The following DKK1 variants were observed in gnomAD, a reference collection of about 807,000 sequenced individuals.
DKK1 encodes dickkopf Wnt signaling pathway inhibitor 1, also known as dickkopf-related protein 1.
In DKK1, 18 loss-of-function variants were observed where a neutral mutation model predicts 26.0. The observed-to-expected ratio is 0.69, with a 90% CI of 0.48 to 1.03. DKK1 has a LOEUF of 1.03. Ranked by LOEUF, DKK1 falls within the 50% of genes least tolerant of loss-of-function variation. The pLI is 0.00. For missense variants in DKK1, 335 were observed against 348.5 expected, an observed-to-expected ratio of 0.96 and a Z score of 0.31; for synonymous variants, 130 against 132.6, an observed-to-expected ratio of 0.98 and a Z score of 0.13.
intron 2 of DKK1, among the ~76,000 whole-genome samples, 187 bp from the exon 3 acceptor site, chr10:52,316,108 T>C (rs768485390): frequency 1.3e-5 from 2 of 152,230 alleles, no homozygotes; most frequent in African/African-American, 2.4e-5. Flanking sequence ...AGTATACACA[T>C]TGGTGCTTCT....
At position 52,314,639 on chromosome 10, in the gene DKK1, CCGGG is replaced by C; in HGVS notation, c.210_213del (p.Gly71IlefsTer143). ...CAGCGCCGCGCCGGGAATCCTGTAC[CCGGG>C]CGGGAATAAGTACCAGACCATTGAC... On this transcript the variant is annotated frameshift_variant, in exon 1 of 4. Transcript: ENST00000373970. LOFTEE classifies it high-confidence loss of function. The surrounding 1 kb of genome is among the most constrained non-coding windows in gnomAD (Gnocchi z 5.7). 6.2e-7 allele frequency: 1 copy of C among 1,613,258 alleles called. No individual in the cohort carries two copies. The highest frequency in any genetic ancestry group is 8.5e-7 in the Non-Finnish European group (1 of 1,179,984).
At position 52,316,443 on chromosome 10, in the gene DKK1, T is replaced by C. The variant is rs543718911; in HGVS notation, c.547+8T>C. 2 of 1,613,800 alleles carry C rather than the reference T, an allele frequency of 1.2e-6. No individual in the cohort carries two copies. The highest frequency in any genetic ancestry group is 2.2e-5 in the South Asian group (2 of 90,954). ...AAATGTATCACACCAAAGGTAAGGA[T>C]GTTAAGACTCATTCTTAGCACATCA... On this transcript the variant is annotated splice_region_variant and intron_variant, in intron 3 of 3. Transcript: ENST00000373970.
In DKK1 at chr10:52,314,337, C is replaced by A; in HGVS notation, c.-98C>A. The A allele has an allele frequency of 1.3e-6, 2 of 1,555,770 alleles. No homozygotes were observed. The highest frequency in any genetic ancestry group is 1.8e-5 in the Admixed American group (1 of 56,452). On this transcript the variant is annotated 5_prime_UTR_variant, in exon 1 of 4. Transcript: ENST00000373970. The surrounding 1 kb of genome is among the most constrained non-coding windows in gnomAD (Gnocchi z 5.7). ...CTGGGACCGCAGGGGGCTCCCGGAC[C>A]CTGACTCTGCAGCCGAACCGGCACG...
Position 52,314,989 on chromosome 10 carries a change from G to A in DKK1, c.310G>A (p.Gly104Arg). 6.2e-7 allele frequency: 1 copy of A among 1,603,766 alleles called. No individual in the cohort carries two copies. The highest frequency in any genetic ancestry group is 1.1e-5 in the South Asian group (1 of 90,306). The change falls in exon 2 of 4, where the codon GGG becomes AGG. Residue 104 changes from glycine to arginine, a missense_variant. Physicochemically the swap from Gly to Arg is moderately radical, Grantham distance 125. Coordinates refer to ENST00000373970, the MANE Select transcript of DKK1 (RefSeq NM_012242.4). The surrounding 1 kb of genome is among the most constrained non-coding windows in gnomAD (Gnocchi z 5.7). ...DEYCASPTRG[G>R]DAGVQICLAC... ...GTACTGCGCTAGTCCCACCCGCGGA[G>A]GGGACGCAGGCGTGCAAATCTGTCT...
chr10:52,317,476 A>G lies in DKK1; in HGVS notation c.*669A>G, dbSNP rs772807402. On this transcript the variant is annotated 3_prime_UTR_variant, in exon 4 of 4. Transcript: ENST00000373970. The stretch of plus-strand genomic sequence containing the variant: ...TGTGTTCTACAAGAACGGAAGTGTG[A>G]TATGTTTAAAGATGATCAGAGAAAA... The G allele has an allele frequency of 6.6e-6, 1 of 152,344 alleles. No homozygotes were observed. Among genetic ancestry groups the G allele is most frequent in the African/African-American group, 2.4e-5 (1 of 41,434 alleles). The allele number at this position is 152,344 out of a possible 1,614,324, so 9.4% of individuals were successfully genotyped here. A position where few individuals can be genotyped will look rare whatever the true frequency, so the allele number is the denominator to read the frequency against.
Position 52,316,261 on chromosome 10 carries a change from C to T in DKK1, c.407-34C>T, listed in dbSNP as rs775519599. ...AGCTGTTAGCAGTAATGCATTACAA[C>T]CCTGAAGTTAATCACTATTTCCTGC... On this transcript the variant is annotated intron_variant, in intron 2 of 3. Coordinates refer to ENST00000373970, the MANE Select transcript of DKK1 (RefSeq NM_012242.4). 2.5e-6 allele frequency: 4 copies of T among 1,611,578 alleles called. No individual in the cohort carries two copies. In the East Asian group the frequency reaches 8.9e-5, roughly 36 times the overall value.
rs1842626343 is a variant in DKK1, at chr10:52,317,246, A to G, written c.*439A>G. 1 of 156,190 alleles carries G rather than the reference A, an allele frequency of 6.4e-6. No individual in the cohort carries two copies. Among genetic ancestry groups the G allele is most frequent in the African/African-American group, 2.4e-5 (1 of 41,496 alleles). The allele number at this position is 156,190 out of a possible 1,614,324, so 9.7% of individuals were successfully genotyped here. Reference sequence around the variant, plus strand: ...AGTCTAGAACGCAAGGATCTCTTGGAATGACAAATGATAGGTACCTAAAAT... The same window carrying G: ...AGTCTAGAACGCAAGGATCTCTTGGGATGACAAATGATAGGTACCTAAAAT... On this transcript the variant is annotated 3_prime_UTR_variant, in exon 4 of 4. Transcript: ENST00000373970.
chr10:52,315,253 TC>T, intron 2 of DKK1, 168 bp downstream of exon 2: 1 of 580,770 alleles, frequency 1.7e-6, no homozygotes. Context: ...CGCTGAAGTA[TC>T]TTCATTGCAA....
At chr10:52,316,498 C>A in intron 3 of DKK1, 56 bp from the exon 4 acceptor site, 2 of 1,609,700 alleles carry the variant, frequency 1.2e-6, no homozygotes, top group African/African-American at 2.7e-5. Flanking sequence ...TTTAGTGAAA[C>A]GATGCAGGTT....
Position 52,314,662 on chromosome 10 carries a change from C to G in DKK1, c.228C>G (p.Thr76=). The change falls in exon 1 of 4, where the codon ACC becomes ACG. Residue 76 remains threonine, a synonymous_variant. Transcript: ENST00000373970. This position sits in a 1 kb window ranked among gnomAD's most constrained non-coding sequence, Gnocchi z 5.7. The part of the protein sequence containing the change: ...ILYPGGNKYQ[T]IDNYQPYPCA... Reference sequence around the variant, plus strand: ...ACCCGGGCGGGAATAAGTACCAGACCATTGACAACTACCAGGTGAGAGGGG... The same window carrying G: ...ACCCGGGCGGGAATAAGTACCAGACGATTGACAACTACCAGGTGAGAGGGG... The G allele has an allele frequency of 6.2e-7, 1 of 1,612,946 alleles. No individual in the cohort carries two copies. Among genetic ancestry groups the G allele is most frequent in the Non-Finnish European group, 8.5e-7 (1 of 1,179,816 alleles).
chr10:52,315,573 AT>A (rs906251861), intron 2 of DKK1, among the ~76,000 whole-genome samples: 5 of 152,134 alleles, frequency 3.3e-5, no homozygotes, highest in African/African-American at 9.7e-5. Flanking sequence ...CAGAGGACTG[AT>A]TTATCTGCAT....
At position 52,316,581 on chromosome 10, in the gene DKK1, C is replaced by T. The variant is rs1415456213; in HGVS notation, c.575C>T (p.Ser192Leu). 1.2e-6 allele frequency: 2 copies of T among 1,614,048 alleles called. No individual in the cohort carries two copies. Among genetic ancestry groups the T allele is most frequent in the East Asian group, 4.5e-5 (2 of 44,868 alleles). Reference protein sequence around the residue: ...KGQEGSVCLRSSDCASGLCCA... With the variant: ...KGQEGSVCLRLSDCASGLCCA... ...CAAGAAGGTTCTGTTTGTCTCCGGT[C>T]ATCAGACTGTGCCTCAGGATTGTGT... Residue 192 changes from serine to leucine, a missense_variant, in exon 4 of 4, where the codon TCA becomes TTA. Ser to Leu is a moderately radical substitution (Grantham distance 145). Coordinates refer to ENST00000373970, the MANE Select transcript of DKK1 (RefSeq NM_012242.4).
In DKK1 at chr10:52,314,699, G is replaced by C; in HGVS notation, c.243+22G>C. 1.2e-6 allele frequency: 2 copies of C among 1,609,388 alleles called. No homozygotes were observed. Among genetic ancestry groups the C allele is most frequent in the Non-Finnish European group, 1.7e-6 (2 of 1,177,578 alleles). On this transcript the variant is annotated intron_variant, in intron 1 of 3. Transcript: ENST00000373970. The surrounding 1 kb of genome is among the most constrained non-coding windows in gnomAD (Gnocchi z 5.7). ...CCAGGTGAGAGGGGTCGGGCACTCA[G>C]AGGATGCTCTGACCTTGAAAGGGTC...
At chr10:52,316,188 A>G in intron 2 of DKK1, 107 bp from the exon 3 acceptor site, 1 of 1,362,932 alleles carries the variant, frequency 7.3e-7, no homozygotes, top group Non-Finnish European at 1.0e-6. Flanking sequence ...ATGTCACTGC[A>G]ATGAAGTATC....
At position 52,316,672 on chromosome 10, in the gene DKK1, G is replaced by A. The variant is rs1842620631; in HGVS notation, c.666G>A (p.Lys222=). The change falls in exon 4 of 4, where the codon AAG becomes AAA. Residue 222 remains lysine (K), a synonymous_variant. Transcript: ENST00000373970. ...PVLKEGQVCT[K]HRRKGSHGLE... The stretch of plus-strand genomic sequence containing the variant: ...TGAAAGAAGGTCAAGTGTGTACCAA[G>A]CATAGGAGAAAAGGCTCTCATGGAC... 6.2e-7 allele frequency: 1 copy of A among 1,614,008 alleles called. No homozygotes were observed. The highest frequency in any genetic ancestry group is 1.3e-5 in the African/African-American group (1 of 74,930).
At position 52,316,896 on chromosome 10, in the gene DKK1, T is replaced by C. The variant is rs1043994453; in HGVS notation, c.*89T>C. 14 of 1,453,704 alleles carry C rather than the reference T, an allele frequency of 9.6e-6. No homozygotes were observed. Among genetic ancestry groups the C allele is most frequent in the East Asian group, 2.3e-5 (1 of 43,644 alleles). The allele number at this position is 1,453,704 out of a possible 1,614,324, so 90.1% of individuals were successfully genotyped here. On this transcript the variant is annotated 3_prime_UTR_variant, in exon 4 of 4. Transcript: ENST00000373970. ...CTTCATCAACTCAATCCTAAGGATA[T>C]ACAAGTTCTGTGGTTTCAGTTAAGC...
At chr10:52,316,499 G>A (rs144664831) in intron 3 of DKK1, 55 bp from the exon 4 acceptor site, 62 of 1,609,800 alleles carry the variant, frequency 3.9e-5, no homozygotes, top group Admixed American at 1.2e-4. Context: ...TTAGTGAAAC[G>A]ATGCAGGTTT....
Position 52,316,388 on chromosome 10 carries a change from G to C in DKK1, c.500G>C (p.Gly167Ala). ...GGTAATGATCATAGCACCTTGGATGGGTATTCCAGAAGAACCACCTTGTCT... is the reference window on the plus strand; with the variant it reads ...GGTAATGATCATAGCACCTTGGATGCGTATTCCAGAAGAACCACCTTGTCT... ...SFGNDHSTLD[G>A]YSRRTTLSSK... is the part of the protein sequence containing the mutation. Residue 167 changes from glycine to alanine, a missense_variant, in exon 3 of 4, where the codon GGG (glycine) becomes GCG (alanine). Gly to Ala is a moderately conservative substitution (Grantham distance 60). Coordinates refer to ENST00000373970, the MANE Select transcript of DKK1 (RefSeq NM_012242.4). 1.2e-6 allele frequency: 2 copies of C among 1,614,096 alleles called. No homozygotes were observed. The highest frequency in any genetic ancestry group is 4.5e-5 in the East Asian group (2 of 44,870).
rs201074100 is a variant in DKK1, at chr10:52,315,051, C to A, written c.372C>A (p.His124Gln). ...AGCGCCGAAAACGCTGCATGCGTCA[C>A]GCTATGTGCTGCCCCGGGAATTACT... is the stretch of plus-strand genomic sequence containing the variant. ...CRKRRKRCMRHAMCCPGNYCK... is the reference protein window; with the variant it reads ...CRKRRKRCMRQAMCCPGNYCK... Residue 124 changes from histidine to glutamine, a missense_variant, in exon 2 of 4, where the codon CAC becomes CAA. Coordinates refer to ENST00000373970, the MANE Select transcript of DKK1 (RefSeq NM_012242.4). 9 of 1,595,048 alleles carry A rather than the reference C, an allele frequency of 5.6e-6. No homozygotes were observed. Among genetic ancestry groups the A allele is most frequent in the Non-Finnish European group, 7.7e-6 (9 of 1,168,016 alleles).
Sources: allele counts gnomAD v4.1 joint callset (sites outside exome capture counted in the v4.1 genomes callset), GRCh38; gene constraint gnomAD v4.1.1; non-coding constraint Gnocchi (gnomAD v3.1); transcripts MANE v1.5; gene names NCBI Gene and HGNC (gene_info 2026-07-23, HGNC 2026-07-21).